BMP6: variants seen among roughly 807,000 people sequenced by gnomAD.
BMP6 encodes the protein VG-1-R.
A neutral mutation model predicts 54.1 loss-of-function variants in BMP6; 17 were observed. That is an observed-to-expected ratio of 0.31 (90% CI 0.22 to 0.47). BMP6 has a LOEUF of 0.47. Among genes scored for constraint, BMP6 ranks in the 20% least tolerant of loss-of-function variants. The probability of loss-of-function intolerance (pLI) is 1.00; values close to 1 mark genes in which losing one functional copy is unlikely to be tolerated. For missense variants in BMP6, 720 were observed against 690.4 expected (o/e 1.04, Z -0.48); for synonymous variants, 328 against 291.2 (o/e 1.13, Z -1.28).
chr6:7,874,192 T>A (rs1759570969), intron 4 of BMP6, among the ~76,000 whole-genome samples: 1 of 152,132 alleles, frequency 6.6e-6, no homozygotes, highest in South Asian at 2.1e-4. Flanking sequence ...ACACATCCCT[T>A]CTTCCCCACA....
At chr6:7,829,363 G>A (rs1188075527) in intron 1 of BMP6, among the ~76,000 whole-genome samples, 2 of 152,004 alleles carry the variant, frequency 1.3e-5, no homozygotes, top group African/African-American at 2.4e-5. Context: ...GGGTGTATAT[G>A]AAGAAAAACC....
chr6:7,822,060 G>A (rs1440911326), intron 1 of BMP6, among the ~76,000 whole-genome samples: 2 of 151,526 alleles, frequency 1.3e-5, no homozygotes, highest in African/African-American at 4.9e-5. Context: ...TGGTCTTGTT[G>A]CCCAGGCTAG....
Position 7,726,968 on chromosome 6 carries a change from G to A in BMP6, c.13G>A (p.Gly5Arg), listed in dbSNP as rs1392136075. 1.1e-5 allele frequency: 13 copies of A among 1,135,166 alleles called. No homozygotes were observed. Among genetic ancestry groups the A allele is most frequent in the African/African-American group, 1.6e-5 (1 of 60,740 alleles). The allele number at this position is 1,135,166 out of a possible 1,614,324, so 70.3% of individuals were successfully genotyped here. The change falls in exon 1 of 7, where the codon GGG (glycine) becomes AGG (arginine). Residue 5 changes from glycine (G) to arginine (R), a missense_variant. This residue lies in a region of BMP6 where 650 missense variants were observed against 556.3 expected (regional missense o/e 1.17). Coordinates refer to ENST00000283147, the MANE Select transcript of BMP6 (RefSeq NM_001718.6). Reference protein sequence around the residue: MPGLGRRAQWLCWWW... With the variant: MPGLRRRAQWLCWWW... ...CGGCCGGGCGGGGATGCCGGGGCTGGGGCGGAGGGCGCAGTGGCTGTGCTG... is the reference window on the plus strand; with the variant it reads ...CGGCCGGGCGGGGATGCCGGGGCTGAGGCGGAGGGCGCAGTGGCTGTGCTG...
chr6:7,840,857 C>T (rs1466324150), intron 1 of BMP6, among the ~76,000 whole-genome samples: 1 of 152,162 alleles, frequency 6.6e-6, no homozygotes, highest in African/African-American at 2.4e-5. Context: ...CAGGAGCCAG[C>T]CACCAAGGCT....
chr6:7,779,044 G>A (rs1757902207), intron 1 of BMP6, among the ~76,000 whole-genome samples: 1 of 152,184 alleles, frequency 6.6e-6, no homozygotes, highest in African/African-American at 2.4e-5. Flanking sequence ...TGTTGCATTA[G>A]GTGTGCCATA....
chr6:7,766,040 A>G (rs187706460), intron 1 of BMP6, among the ~76,000 whole-genome samples: 1 of 152,292 alleles, frequency 6.6e-6, no homozygotes, highest in Non-Finnish European at 1.5e-5. Flanking sequence ...AGATATTCAC[A>G]GCTTCCAGGG....
chr6:7,791,665 A>G (rs550396392), intron 1 of BMP6, among the ~76,000 whole-genome samples: 22 of 152,178 alleles, frequency 1.4e-4, no homozygotes, highest in Admixed American at 3.9e-4. Context: ...CAAATTCAGC[A>G]TGTAGGAAAC....
intron 1 of BMP6, among the ~76,000 whole-genome samples, chr6:7,834,381 A>G (rs1758840364): frequency 6.6e-6 from 1 of 152,128 alleles, no homozygotes; most frequent in African/African-American, 2.4e-5. Context: ...CACATATTGG[A>G]GAACAGGCAC....
intron 1 of BMP6, among the ~76,000 whole-genome samples, chr6:7,801,906 T>C (rs573164434): frequency 6.6e-6 from 1 of 152,226 alleles, no homozygotes; most frequent in African/African-American, 2.4e-5. Flanking sequence ...TATACTACAA[T>C]TGATGAATCC....
intron 1 of BMP6, among the ~76,000 whole-genome samples, chr6:7,783,735 CCTT>C (rs1757982137): frequency 6.6e-6 from 1 of 152,236 alleles, no homozygotes; most frequent in Admixed American, 6.5e-5. Flanking sequence ...CCTCAATACT[CCTT>C]CTGGCTGGGG....
intron 1 of BMP6, among the ~76,000 whole-genome samples, chr6:7,731,252 T>A: frequency 6.6e-6 from 1 of 152,226 alleles, no homozygotes; most frequent in East Asian, 1.9e-4. Flanking sequence ...TGTTTTCTAA[T>A]GCTAAAAATG....
chr6:7,797,286 C>T (rs761170343), intron 1 of BMP6, among the ~76,000 whole-genome samples: 2 of 152,156 alleles, frequency 1.3e-5, no homozygotes, highest in Non-Finnish European at 2.9e-5. Context: ...AAATCTAACA[C>T]GGGCAGCACC....
intron 1 of BMP6, among the ~76,000 whole-genome samples, chr6:7,729,937 C>T (rs1761822682): frequency 6.6e-6 from 1 of 152,164 alleles, no homozygotes; most frequent in Non-Finnish European, 1.5e-5. Flanking sequence ...AACTCCTGGC[C>T]TCAAGCAATC....
At chr6:7,752,567 T>TG (rs1554118857) in intron 1 of BMP6, among the ~76,000 whole-genome samples, 1 of 151,972 alleles carries the variant, frequency 6.6e-6, no homozygotes, top group Non-Finnish European at 1.5e-5. Context: ...AGGTTTTTTT[T>TG]TTTTTTTTTT....
chr6:7,780,661 A>G (rs139236909), intron 1 of BMP6, among the ~76,000 whole-genome samples: 1 of 152,216 alleles, frequency 6.6e-6, no homozygotes, highest in African/African-American at 2.4e-5. Flanking sequence ...TAAGGGATCA[A>G]TATATATTTG....
chr6:7,731,965 G>A (rs1561752985), intron 1 of BMP6, among the ~76,000 whole-genome samples: 1 of 152,060 alleles, frequency 6.6e-6, no homozygotes, highest in Non-Finnish European at 1.5e-5. Context: ...TCAGAAAAGG[G>A]AATCAGTATA....
chr6:7,750,276 G>A (rs985737023), intron 1 of BMP6, among the ~76,000 whole-genome samples: 5 of 152,152 alleles, frequency 3.3e-5, no homozygotes, highest in African/African-American at 9.7e-5. Flanking sequence ...GGCCACATTC[G>A]TCTAAGAGCA....
chr6:7,844,764 G>A (rs1198349053), intron 1 of BMP6, among the ~76,000 whole-genome samples: 5 of 152,082 alleles, frequency 3.3e-5, no homozygotes, highest in Admixed American at 6.5e-5. Context: ...ATGGGCGGAC[G>A]GGTTCTTCTT....
At chr6:7,846,709 A>G (rs1317080983) in intron 2 of BMP6, among the ~76,000 whole-genome samples, 1 of 152,228 alleles carries the variant, frequency 6.6e-6, no homozygotes, top group East Asian at 1.9e-4. Context: ...TCACTCCTAA[A>G]TAAAAATATA....
Sources: allele counts gnomAD v4.1 joint callset (sites outside exome capture counted in the v4.1 genomes callset), GRCh38; gene constraint gnomAD v4.1.1; regional missense constraint gnomAD v4.1.1; transcripts MANE v1.5; gene names NCBI Gene and HGNC (gene_info 2026-07-23, HGNC 2026-07-21).